EPHA6: variants seen among roughly 807,000 people sequenced by gnomAD.
EPHA6 encodes the protein EPH receptor A6.
EPHA6 carries 50 observed loss-of-function variants against 112.0 expected under a neutral mutation model. The ratio of observed to expected loss-of-function variants is 0.45; its 90% CI spans 0.36 to 0.56. The LOEUF (loss-of-function observed/expected upper bound fraction) is 0.56, where lower values mean the gene tolerates loss of function less well. Ranked by LOEUF, EPHA6 falls within the 20% of genes least tolerant of loss-of-function variation. The pLI is 0.00. For missense variants in EPHA6, 1,280 were observed against 1,417.4 expected (o/e 0.90, Z 1.56); for synonymous variants, 529 against 490.7 (o/e 1.08, Z -1.03).
intron 15 of EPHA6, among the ~76,000 whole-genome samples, chr3:97,723,901 A>G (rs2034639149): frequency 6.6e-6 from 1 of 152,196 alleles, no homozygotes; most frequent in Non-Finnish European, 1.5e-5. Flanking sequence ...TTGGAAGCAG[A>G]AATAGCTTAA....
intron 5 of EPHA6, among the ~76,000 whole-genome samples, chr3:97,254,227 C>A (rs902787792): frequency 6.6e-6 from 1 of 152,074 alleles, no homozygotes; most frequent in Non-Finnish European, 1.5e-5. Context: ...CTTGCCCTGT[C>A]GCCCAGGCTG....
rs145085811 is a variant in EPHA6, at chr3:97,510,656, T to C, written c.2201-21702T>C. ...TGGGAGGTGTATCCCAGTCAGGAGG[T>C]ACAGGAGTCAGGGATCCACTTCAGG... On this transcript the variant is annotated intron_variant, in intron 10 of 17. Transcript: ENST00000389672. Among the ~76,000 whole-genome samples, 700 of 152,190 alleles carry C rather than the reference T, an allele frequency of 4.6e-3. 4 individuals are homozygous for C. The highest frequency in any genetic ancestry group is 8.5e-3 in the Non-Finnish European group (576 of 67,990).
chr3:97,565,977 G>T (rs2093260581), intron 11 of EPHA6, among the ~76,000 whole-genome samples: 1 of 146,810 alleles, frequency 6.8e-6, no homozygotes, highest in Admixed American at 7.0e-5. Context: ...CCGAGATCAT[G>T]CCACTGCACT....
intron 2 of EPHA6, among the ~76,000 whole-genome samples, chr3:96,951,537 T>A (rs1205648059): frequency 1.3e-5 from 2 of 152,258 alleles, no homozygotes; most frequent in African/African-American, 4.8e-5. Context: ...ATCATCATAA[T>A]TCTGGTTTAC....
chr3:97,593,929 T>G (rs2093565814), intron 12 of EPHA6, among the ~76,000 whole-genome samples: 1 of 152,216 alleles, frequency 6.6e-6, no homozygotes, highest in East Asian at 1.9e-4. Context: ...ATAGCCCTTT[T>G]TCTCCTTAGA....
At chr3:97,530,711 C>T (rs957824663) in intron 10 of EPHA6, among the ~76,000 whole-genome samples, 1 of 151,836 alleles carries the variant, frequency 6.6e-6, no homozygotes, top group African/African-American at 2.4e-5. Context: ...TGCTTCTTTG[C>T]CTGTTTGTTT....
At chr3:97,626,829 A>G (rs1347884618) in intron 13 of EPHA6, among the ~76,000 whole-genome samples, 2 of 151,712 alleles carry the variant, frequency 1.3e-5, no homozygotes, top group Non-Finnish European at 1.5e-5. Context: ...TTTCTGTCTT[A>G]TTTTTCTCTG....
intron 3 of EPHA6, among the ~76,000 whole-genome samples, chr3:97,223,947 C>T (rs964929136): frequency 3.3e-5 from 5 of 151,522 alleles, no homozygotes; most frequent in Non-Finnish European, 7.4e-5. Context: ...TATTCACTAG[C>T]CATGTGAGGT....
intron 3 of EPHA6, among the ~76,000 whole-genome samples, chr3:97,084,730 A>G (rs906471247): frequency 6.6e-6 from 1 of 152,106 alleles, no homozygotes; most frequent in African/African-American, 2.4e-5. Flanking sequence ...GTTACAAAAC[A>G]CTGCTGAAAG....
chr3:97,383,004 G>A (rs929779075), intron 5 of EPHA6, among the ~76,000 whole-genome samples: 2 of 152,042 alleles, frequency 1.3e-5, no homozygotes, highest in Admixed American at 6.6e-5. Context: ...AGCAAATAAG[G>A]TATCATCTGG....
At chr3:97,026,982 T>G (rs770692115) in intron 3 of EPHA6, among the ~76,000 whole-genome samples, 20 of 152,184 alleles carry the variant, frequency 1.3e-4, no homozygotes, top group Non-Finnish European at 2.8e-4. Flanking sequence ...TAAAGTCACA[T>G]GAATGTGTAT....
At chr3:96,983,164 C>G (rs1486558165) in intron 2 of EPHA6, among the ~76,000 whole-genome samples, 1 of 152,110 alleles carries the variant, frequency 6.6e-6, no homozygotes, top group African/African-American at 2.4e-5. Context: ...TCTTTACAAT[C>G]TGGCATGTTT....
chr3:96,814,977 A>T lies in EPHA6; in HGVS notation c.354A>T (p.Pro118=). ...TCTTGCCTCTGCTGACAGCGTGGCC[A>T]GGCGACTGCAGTCACGTCTCCAACA... ...GFFLPLLTAW[P]GDCSHVSNNQ... The change falls in exon 1 of 18, where the codon CCA becomes CCT. Residue 118 remains proline, a synonymous_variant. Transcript: ENST00000389672. 1 of 1,536,716 alleles carries T rather than the reference A, an allele frequency of 6.5e-7. No homozygotes were observed. Among genetic ancestry groups the T allele is most frequent in the Non-Finnish European group, 8.8e-7 (1 of 1,137,204 alleles).
chr3:97,129,239 C>T (rs920537663), intron 3 of EPHA6, among the ~76,000 whole-genome samples: 1 of 152,044 alleles, frequency 6.6e-6, no homozygotes, highest in Admixed American at 6.6e-5. Context: ...GTGGCTCATG[C>T]CTGTAATCCC....
chr3:97,537,028 A>G (rs1397583635), intron 11 of EPHA6, among the ~76,000 whole-genome samples: 2 of 152,182 alleles, frequency 1.3e-5, no homozygotes, highest in African/African-American at 4.8e-5. Flanking sequence ...CAACTTTATT[A>G]TAACTTCAGG....
intron 3 of EPHA6, among the ~76,000 whole-genome samples, chr3:97,032,275 ACAT>A (rs1411169295): frequency 6.6e-6 from 1 of 152,022 alleles, no homozygotes; most frequent in Admixed American, 6.6e-5. Flanking sequence ...AGGAAGGGGA[ACAT>A]CACACACCAG....
chr3:97,695,145 G>A (rs1423663920), intron 14 of EPHA6, among the ~76,000 whole-genome samples: 1 of 152,176 alleles, frequency 6.6e-6, no homozygotes, highest in Non-Finnish European at 1.5e-5. Context: ...GAATGATTTA[G>A]TGAGATACAT....
At chr3:96,829,489 A>G (rs933435235) in intron 1 of EPHA6, among the ~76,000 whole-genome samples, 1 of 152,104 alleles carries the variant, frequency 6.6e-6, no homozygotes, top group Non-Finnish European at 1.5e-5. Flanking sequence ...GATTGTATAG[A>G]AATCGCTGGA....
chr3:97,517,903 T>G (rs752880560), intron 10 of EPHA6, among the ~76,000 whole-genome samples: 31 of 152,304 alleles, frequency 2.0e-4, no homozygotes, highest in Non-Finnish European at 3.8e-4. Context: ...ATTCCATCCC[T>G]GTTGCACAAG....
Sources: allele counts gnomAD v4.1 joint callset (sites outside exome capture counted in the v4.1 genomes callset), GRCh38; gene constraint gnomAD v4.1.1; transcripts MANE v1.5; gene names NCBI Gene and HGNC (gene_info 2026-07-23, HGNC 2026-07-21).